Variants in CSMD1 observed in about 807,000 individuals in gnomAD.
CSMD1 encodes CUB and Sushi multiple domains 1.
Under a neutral mutation model 417.5 loss-of-function variants are expected in CSMD1, and 213 were observed. The observed-to-expected ratio is 0.51, with a 90% CI of 0.46 to 0.57. CSMD1 has a LOEUF of 0.57. Among genes scored for constraint, CSMD1 ranks in the 20% least tolerant of loss-of-function variants. The pLI is 0.00. For synonymous variants in CSMD1, 2,862 were observed against 1,736.8 expected, an observed-to-expected ratio of 1.65 and a Z score of -16.11; for missense variants, 6,923 against 4,529.7, an observed-to-expected ratio of 1.53 and a Z score of -15.17.
At chr8:4,599,658 G>A (rs1349055830) in intron 2 of CSMD1, among the ~76,000 whole-genome samples, 2 of 152,052 alleles carry the variant, frequency 1.3e-5, no homozygotes, top group African/African-American at 2.4e-5. Context: ...GTTATTTGTA[G>A]GAATGACATG....
At chr8:3,936,643 C>T (rs368311008) in intron 5 of CSMD1, among the ~76,000 whole-genome samples, 1 of 152,128 alleles carries the variant, frequency 6.6e-6, no homozygotes, top group African/African-American at 2.4e-5. Flanking sequence ...AAAAAGATTC[C>T]TTTCTAAATA....
Position 4,224,429 on chromosome 8 carries a change from C to G in CSMD1, c.416-192330G>C, listed in dbSNP as rs74749955. ...TCATATTTAAATACACCTAGGAAAT[C>G]TTTTAAAGCTTATTCTCAGAGGCCA... On this transcript the variant is annotated intron_variant, in intron 3 of 69. Transcript: ENST00000635120. Among the ~76,000 whole-genome samples, 1,294 of 152,240 alleles carry G rather than the reference C, an allele frequency of 8.5e-3. 52 individuals are homozygous for G. In the East Asian group the frequency reaches 0.12, roughly 14 times the overall value.
intron 7 of CSMD1, among the ~76,000 whole-genome samples, chr8:3,623,096 G>C (rs1014692430): frequency 6.6e-6 from 1 of 152,096 alleles, no homozygotes; most frequent in Admixed American, 6.5e-5. Context: ...TAATATTAAA[G>C]AAAGATATGT....
At chr8:4,319,653 G>T (rs183917322) in intron 3 of CSMD1, among the ~76,000 whole-genome samples, 1 of 152,078 alleles carries the variant, frequency 6.6e-6, no homozygotes, top group African/African-American at 2.4e-5. Flanking sequence ...TCACTGCCTG[G>T]AAAGAGAGGC....
chr8:3,198,743 G>A lies in CSMD1; in HGVS notation c.5194+971C>T, dbSNP rs145655885. Reference sequence around the variant, plus strand: ...AACGATTGATACATAATATAACACTGTTATACTCCACCTTTTTAAAAAATA... The same window carrying A: ...AACGATTGATACATAATATAACACTATTATACTCCACCTTTTTAAAAAATA... On this transcript the variant is annotated intron_variant, in intron 33 of 69. Transcript: ENST00000635120. 2.1e-3 allele frequency among the ~76,000 whole-genome samples: 315 copies of A among 152,156 alleles called. 3 individuals carry two copies. The highest frequency in any genetic ancestry group is 7.4e-3 in the African/African-American group (307 of 41,514).
intron 49 of CSMD1, among the ~76,000 whole-genome samples, chr8:3,055,226 AG>A (rs1434899386): frequency 1.8e-4 from 27 of 152,214 alleles, no homozygotes; most frequent in African/African-American, 6.3e-4. Flanking sequence ...AGATCTTTAT[AG>A]CCCCTTCTGT....
At chr8:4,666,663 C>T (rs79145958) in intron 1 of CSMD1, among the ~76,000 whole-genome samples, 5,431 of 152,236 alleles carry the variant, frequency 0.036, 102 homozygotes, top group East Asian at 0.093. Flanking sequence ...TAATCCATAA[C>T]TGTAATTAAA....
At chr8:4,964,483 C>G (rs989415239) in intron 1 of CSMD1, among the ~76,000 whole-genome samples, 2 of 106,508 alleles carry the variant, frequency 1.9e-5, no homozygotes, top group Non-Finnish European at 3.4e-5. Context: ...CCCATCACAA[C>G]ACAGCAAGAC....
chr8:3,136,108 C>T (rs1354263269), intron 41 of CSMD1, among the ~76,000 whole-genome samples: 6 of 152,122 alleles, frequency 3.9e-5, no homozygotes, highest in African/African-American at 1.4e-4. Context: ...CCCCCTCATG[C>T]ATTACATCTA....
At chr8:3,392,402 T>C (rs34722343) in intron 17 of CSMD1, among the ~76,000 whole-genome samples, 62,779 of 151,918 alleles carry the variant, frequency 0.41, 13,342 homozygotes, top group Middle Eastern at 0.47. Context: ...CTTCAGAACC[T>C]ATTTTGTCGA....
At chr8:3,146,618 C>G (rs1225673885) in intron 40 of CSMD1, among the ~76,000 whole-genome samples, 2 of 152,138 alleles carry the variant, frequency 1.3e-5, no homozygotes, top group African/African-American at 4.8e-5. Context: ...TGCCAACTGC[C>G]TCAGTTCTTT....
At chr8:4,179,362 A>G (rs946135735) in intron 3 of CSMD1, among the ~76,000 whole-genome samples, 1 of 152,174 alleles carries the variant, frequency 6.6e-6, no homozygotes, top group African/African-American at 2.4e-5. Context: ...TGCTGGGAAA[A>G]CTGGCTAGCC....
chr8:4,014,137 T>G (rs557197359), intron 4 of CSMD1, among the ~76,000 whole-genome samples: 1 of 152,316 alleles, frequency 6.6e-6, no homozygotes, highest in East Asian at 1.9e-4. Flanking sequence ...TATCAAAAGT[T>G]ATATTAATTG....
chr8:3,495,104 T>A (rs556006961), intron 10 of CSMD1, among the ~76,000 whole-genome samples: 2 of 152,378 alleles, frequency 1.3e-5, no homozygotes, highest in East Asian at 3.9e-4. Context: ...ATGAATACAT[T>A]ATTTTAGCAA....
chr8:4,830,911 T>C (rs975210624), intron 1 of CSMD1, among the ~76,000 whole-genome samples: 12 of 152,276 alleles, frequency 7.9e-5, no homozygotes, highest in African/African-American at 2.9e-4. Flanking sequence ...TAATGAACTT[T>C]CAGTGAACTT....
chr8:3,428,694 T>C (rs1179763766), intron 12 of CSMD1, among the ~76,000 whole-genome samples: 1 of 152,168 alleles, frequency 6.6e-6, no homozygotes, highest in South Asian at 2.1e-4. Flanking sequence ...CCAGTCATCC[T>C]ACTAGTGGGC....
chr8:4,155,266 G>A (rs986247017), intron 3 of CSMD1, among the ~76,000 whole-genome samples: 1 of 152,194 alleles, frequency 6.6e-6, no homozygotes, highest in African/African-American at 2.4e-5. Context: ...AGGTGAATAA[G>A]TCCGGGTGTG....
chr8:4,773,007 A>G lies in CSMD1; in HGVS notation c.86-135449T>C, dbSNP rs9657402. On this transcript the variant is annotated intron_variant, in intron 1 of 69. Transcript: ENST00000635120. ...TGAGTATGACTTCTAGCACTGACCA[A>G]TTAACAAGAAATGCTCATACAGGTT... Among the ~76,000 whole-genome samples, 3 of 152,286 alleles carry G rather than the reference A, an allele frequency of 2.0e-5. No individual in the cohort carries two copies. In the South Asian group the frequency reaches 6.2e-4, roughly 32 times the overall value.
At chr8:4,878,615 G>A (rs1803199294) in intron 1 of CSMD1, among the ~76,000 whole-genome samples, 1 of 151,854 alleles carries the variant, frequency 6.6e-6, no homozygotes, top group East Asian at 1.9e-4. Context: ...TAGTAGAGGT[G>A]CTGGAAATTA....
Sources: allele counts gnomAD v4.1 joint callset (sites outside exome capture counted in the v4.1 genomes callset), GRCh38; gene constraint gnomAD v4.1.1; transcripts MANE v1.5; gene names NCBI Gene and HGNC (gene_info 2026-07-23, HGNC 2026-07-21).